ABLIM2: variants seen among roughly 807,000 people sequenced by gnomAD.
The protein encoded by ABLIM2 is actin binding LIM protein family member 2.
Under a neutral mutation model 97.7 loss-of-function variants are expected in ABLIM2, and 53 were observed. The ratio of observed to expected loss-of-function variants is 0.54; its 90% CI spans 0.44 to 0.68. The LOEUF is 0.68. Among genes scored for constraint, ABLIM2 ranks in the 30% least tolerant of loss-of-function variants. The pLI is 0.00. For missense variants in ABLIM2, 835 were observed against 867.2 expected (o/e 0.96, Z 0.47); for synonymous variants, 361 against 345.8 (o/e 1.04, Z -0.49).
At chr4:8,018,186 C>T (rs746007885) in intron 14 of ABLIM2, among the ~76,000 whole-genome samples, 1 of 152,158 alleles carries the variant, frequency 6.6e-6, no homozygotes, top group African/African-American at 2.4e-5. Context: ...CTGTCCTGCA[C>T]ATGTTAATCA....
intron 16 of ABLIM2, among the ~76,000 whole-genome samples, chr4:7,997,784 G>A (rs1754343594): frequency 6.6e-6 from 1 of 152,104 alleles, no homozygotes; most frequent in Non-Finnish European, 1.5e-5. Context: ...GTAATTGCTT[G>A]TTGAAGCATT....
intron 2 of ABLIM2, among the ~76,000 whole-genome samples, chr4:8,101,688 GGACCAGAAAAT>G (rs1834723283): frequency 6.6e-6 from 1 of 152,078 alleles, no homozygotes; most frequent in African/African-American, 2.4e-5. Context: ...ACTTCCAATA[GGACCAGAAAAT>G]GCCCGCTCTC....
At position 8,148,407 on chromosome 4, in the gene ABLIM2, G is replaced by A. The variant is rs948716261; in HGVS notation, c.10+10273C>T. Among the ~76,000 whole-genome samples the A allele has an allele frequency of 4.6e-5, 7 of 152,162 alleles. No homozygotes were observed. The highest frequency in any genetic ancestry group is 6.5e-5 in the Admixed American group (1 of 15,286). ...AGGGCCCACAGGAGGTGAGGGAGCC[G>A]CTCAGGACGCGGGGGGGCCATGGCG... On this transcript the variant is annotated intron_variant, in intron 1 of 20. Transcript: ENST00000447017. The surrounding 1 kb of genome is among the most constrained non-coding windows in gnomAD (Gnocchi z 6.7).
rs1388662480 is a variant in ABLIM2, at chr4:8,069,189, C to T, written c.676-8135G>A. ...CCTCAGGAGCGCTTGGCCCAGCGGC[C>T]TCATTCTCTGCTGTACCCCGGCGTC... On this transcript the variant is annotated intron_variant, in intron 6 of 20. Coordinates refer to ENST00000447017, the MANE Select transcript of ABLIM2 (RefSeq NM_001130083.2). This position sits in a 1 kb window ranked among gnomAD's most constrained non-coding sequence, Gnocchi z 4.2. 6.6e-6 allele frequency among the ~76,000 whole-genome samples: 1 copy of T among 152,272 alleles called. No individual in the cohort carries two copies. The highest frequency in any genetic ancestry group is 2.4e-5 in the African/African-American group (1 of 41,474).
At chr4:8,013,477 G>C (rs1033109699) in intron 14 of ABLIM2, among the ~76,000 whole-genome samples, 3 of 152,196 alleles carry the variant, frequency 2.0e-5, no homozygotes, top group African/African-American at 7.2e-5. Context: ...ACCTGCCTCA[G>C]CCTCACAAAG....
At chr4:8,133,990 G>C (rs1272549239) in intron 1 of ABLIM2, among the ~76,000 whole-genome samples, 1 of 152,190 alleles carries the variant, frequency 6.6e-6, no homozygotes, top group Non-Finnish European at 1.5e-5. Context: ...GGTTGCAGGG[G>C]GGGGTGACGA....
chr4:8,049,454 G>C (rs1794636667), intron 8 of ABLIM2, among the ~76,000 whole-genome samples: 1 of 152,198 alleles, frequency 6.6e-6, no homozygotes, highest in African/African-American at 2.4e-5. Flanking sequence ...CACTTGGCCA[G>C]GGCATGCCAA....
intron 18 of ABLIM2, 64 bp from the exon 19 acceptor site, chr4:7,983,618 G>T: frequency 1.3e-6 from 2 of 1,591,316 alleles, no homozygotes; most frequent in Middle Eastern, 1.7e-4. Context: ...CGTCCAAGGT[G>T]AGTGCAATCC....
intron 6 of ABLIM2, among the ~76,000 whole-genome samples, chr4:8,073,230 C>T (rs888569018): frequency 2.6e-5 from 4 of 151,144 alleles, no homozygotes; most frequent in East Asian, 3.9e-4. Context: ...GGGTGGTGTG[C>T]GGGAAGCAGC....
At chr4:8,139,618 T>A (rs1014089040) in intron 1 of ABLIM2, among the ~76,000 whole-genome samples, 7 of 152,196 alleles carry the variant, frequency 4.6e-5, no homozygotes, top group African/African-American at 9.7e-5. Flanking sequence ...CTTGCGAGGC[T>A]GTGGAGAAAC....
At chr4:8,016,047 T>TTTTC (rs1257780442) in intron 14 of ABLIM2, among the ~76,000 whole-genome samples, 3 of 140,222 alleles carry the variant, frequency 2.1e-5, no homozygotes, top group Admixed American at 2.1e-4. Flanking sequence ...TGTTGTATTT[T>TTTTC]TTTTTTTTTT....
intron 3 of ABLIM2, 125 bp downstream of exon 3, chr4:8,096,974 G>C: frequency 8.2e-7 from 1 of 1,223,314 alleles, no homozygotes; most frequent in South Asian, 1.6e-5. Context: ...GCCTGGAACA[G>C]CCTCGCTGCA....
rs111952684 is a variant in ABLIM2 at position 7,984,895 on chromosome 4, T to A, written c.1681-2A>T. 1 of 1,608,842 alleles carries A rather than the reference T, an allele frequency of 6.2e-7. No individual in the cohort carries two copies. The highest frequency in any genetic ancestry group is 2.2e-5 in the East Asian group (1 of 44,782). The stretch of plus-strand genomic sequence containing the variant: ...TCCACAGGGGGCCAGATTGGCATTC[T>A]GGAAGAGAAAGAGAGGTTGGGCGGC... On this transcript the variant is annotated splice_acceptor_variant, in intron 17 of 20. Transcript: ENST00000447017. LOFTEE classifies it high-confidence loss of function.
chr4:7,973,737 A>T (rs1238120582), intron 20 of ABLIM2, among the ~76,000 whole-genome samples: 3 of 152,192 alleles, frequency 2.0e-5, no homozygotes, highest in African/African-American at 7.2e-5. Context: ...CAGAGTGTGA[A>T]TCCACGAGCC....
rs571111048 is a variant in ABLIM2, at chr4:8,127,969, G to C, written c.11-21332C>G. ...GTGCTGGGAGTGACAGCCTGCACCAGGGTTCCCTGAAATGGGGGCTTCAAA... is the reference window on the plus strand; with the variant it reads ...GTGCTGGGAGTGACAGCCTGCACCACGGTTCCCTGAAATGGGGGCTTCAAA... On this transcript the variant is annotated intron_variant, in intron 1 of 20. Coordinates refer to ENST00000447017, the MANE Select transcript of ABLIM2 (RefSeq NM_001130083.2). This position sits in a 1 kb window ranked among gnomAD's most constrained non-coding sequence, Gnocchi z 7.3. 1.6e-4 allele frequency among the ~76,000 whole-genome samples: 25 copies of C among 152,306 alleles called. No homozygotes were observed. In the East Asian group the frequency reaches 4.8e-3, roughly 29 times the overall value.
chr4:8,026,003 T>C (rs1384830434), intron 12 of ABLIM2, among the ~76,000 whole-genome samples: 7 of 152,182 alleles, frequency 4.6e-5, no homozygotes, highest in Non-Finnish European at 1.0e-4. Context: ...TTTCTGGCTT[T>C]GCTTGTTTGT....
chr4:7,989,968 TG>T (rs1287210245), intron 17 of ABLIM2, among the ~76,000 whole-genome samples: 1 of 152,214 alleles, frequency 6.6e-6, no homozygotes, highest in African/African-American at 2.4e-5. Flanking sequence ...TCAGGCACTG[TG>T]GCAGGCTTGG....
rs1248985794 is a variant in ABLIM2, at chr4:8,082,841, T to C, written c.455-2039A>G. On this transcript the variant is annotated intron_variant, in intron 4 of 20. Coordinates refer to ENST00000447017, the MANE Select transcript of ABLIM2 (RefSeq NM_001130083.2). This position sits in a 1 kb window ranked among gnomAD's most constrained non-coding sequence, Gnocchi z 5.6. ...CACATCACCCAATCTGCCGCGCTCC[T>C]TCCTGTGTCTCTGCAGAGTCAGACG... Among the ~76,000 whole-genome samples the C allele has an allele frequency of 6.6e-6, 1 of 152,214 alleles. No individual in the cohort carries two copies. The highest frequency in any genetic ancestry group is 1.9e-4 in the East Asian group (1 of 5,196).
intron 8 of ABLIM2, among the ~76,000 whole-genome samples, chr4:8,052,534 G>C (rs1042798604): frequency 6.6e-6 from 1 of 152,252 alleles, no homozygotes; most frequent in African/African-American, 2.4e-5. Flanking sequence ...ACTGTGGAAG[G>C]CAGAAAAGGG....
Sources: gnomAD v4.1 joint callset for allele counts (sites outside exome capture counted in the v4.1 genomes callset) on GRCh38, gnomAD v4.1.1 for gene constraint, Gnocchi (gnomAD v3.1) non-coding constraint, MANE v1.5 for transcripts, NCBI Gene and HGNC (gene_info 2026-07-23, HGNC 2026-07-21) for gene names.